Variants in GABBR2 observed in about 807,000 individuals in gnomAD.
The protein encoded by GABBR2 is gamma-aminobutyric acid type B receptor subunit 2, also known as G-protein coupled receptor 51.
Under a neutral mutation model 105.6 loss-of-function variants are expected in GABBR2, and 23 were observed. That is an observed-to-expected ratio of 0.22 (90% CI 0.16 to 0.31). The LOEUF (loss-of-function observed/expected upper bound fraction) is 0.31, where lower values mean the gene tolerates loss of function less well. Among genes scored for constraint, GABBR2 ranks in the 10% least tolerant of loss-of-function variants. The pLI is 1.00. For missense variants in GABBR2, 734 were observed against 1,245.5 expected, an observed-to-expected ratio of 0.59 and a Z score of 6.18; for synonymous variants, 478 against 499.7, an observed-to-expected ratio of 0.96 and a Z score of 0.58.
At chr9:98,586,284 C>CTTTTTTTTTTTTTTTT (rs569530376) in intron 1 of GABBR2, among the ~76,000 whole-genome samples, 7 of 131,092 alleles carry the variant, frequency 5.3e-5, no homozygotes, top group East Asian at 2.2e-4. Flanking sequence ...TCTTTTCTTT[C>CTTTTTTTTTTTTTTTT]TTTTTTTTTT....
chr9:98,578,081 C>T lies in GABBR2; in HGVS notation c.322-9G>A, dbSNP rs1341779522. 6.2e-7 allele frequency: 1 copy of T among 1,613,356 alleles called. No individual in the cohort carries two copies. Among genetic ancestry groups the T allele is most frequent in the Non-Finnish European group, 8.5e-7 (1 of 1,179,786 alleles). On this transcript the variant is annotated splice_polypyrimidine_tract_variant and intron_variant, in intron 1 of 18. Coordinates refer to ENST00000259455, the MANE Select transcript of GABBR2 (RefSeq NM_005458.8). Reference sequence around the variant, plus strand: ...CCTTTTGCGTTGTCGCACTGGGAAGCAACACATAGAAAGAAAGGTCCAAAT... The same window carrying T: ...CCTTTTGCGTTGTCGCACTGGGAAGTAACACATAGAAAGAAAGGTCCAAAT...
chr9:98,429,531 T>G (rs893241779), intron 7 of GABBR2, among the ~76,000 whole-genome samples: 1 of 152,184 alleles, frequency 6.6e-6, no homozygotes. Flanking sequence ...TGCCTTTTAT[T>G]GAGAACTGCT....
intron 1 of GABBR2, among the ~76,000 whole-genome samples, chr9:98,668,750 C>T (rs1371150957): frequency 6.6e-6 from 1 of 152,176 alleles, no homozygotes; most frequent in Non-Finnish European, 1.5e-5. Context: ...AGGAACTGCA[C>T]ATAATTGGAA....
At chr9:98,637,905 C>CT (rs1415076459) in intron 1 of GABBR2, among the ~76,000 whole-genome samples, 1 of 152,174 alleles carries the variant, frequency 6.6e-6, no homozygotes, top group Non-Finnish European at 1.5e-5. Flanking sequence ...AATGCACTTA[C>CT]TATAGGCCAG....
intron 7 of GABBR2, among the ~76,000 whole-genome samples, chr9:98,410,269 A>C (rs1832563096): frequency 6.6e-6 from 1 of 152,156 alleles, no homozygotes; most frequent in Admixed American, 6.5e-5. Flanking sequence ...TTTGAGACCA[A>C]TCCAGGTGAT....
intron 1 of GABBR2, among the ~76,000 whole-genome samples, chr9:98,687,203 G>A (rs1273990461): frequency 2.0e-5 from 3 of 151,552 alleles, no homozygotes; most frequent in Non-Finnish European, 4.4e-5. Flanking sequence ...GTTCCAAGCA[G>A]AATAAGGGCA....
At chr9:98,533,519 A>T (rs554703179) in intron 3 of GABBR2, among the ~76,000 whole-genome samples, 1 of 152,260 alleles carries the variant, frequency 6.6e-6, no homozygotes, top group African/African-American at 2.4e-5. Flanking sequence ...ATCTGGCCTA[A>T]TGGATCAAGA....
chr9:98,705,092 G>A lies in GABBR2; in HGVS notation c.321+3325C>T, dbSNP rs561611805. 2.6e-5 allele frequency among the ~76,000 whole-genome samples: 4 copies of A among 152,268 alleles called. No individual in the cohort carries two copies. In the South Asian group the frequency reaches 6.2e-4, roughly 24 times the overall value. On this transcript the variant is annotated intron_variant, in intron 1 of 18. Coordinates refer to ENST00000259455, the MANE Select transcript of GABBR2 (RefSeq NM_005458.8). Reference sequence around the variant, plus strand: ...CTCAATGCAATAAATTTTAGCCCAGGTTCTTGGTATAGTAACTTCTATGCT... The same window carrying A: ...CTCAATGCAATAAATTTTAGCCCAGATTCTTGGTATAGTAACTTCTATGCT...
intron 7 of GABBR2, among the ~76,000 whole-genome samples, chr9:98,433,342 T>C (rs867277643): frequency 6.6e-6 from 1 of 152,236 alleles, no homozygotes; most frequent in African/African-American, 2.4e-5. Flanking sequence ...AGTATATACA[T>C]GTATGTAAAG....
intron 1 of GABBR2, among the ~76,000 whole-genome samples, chr9:98,701,778 G>A (rs943535297): frequency 2.0e-5 from 3 of 152,142 alleles, no homozygotes; most frequent in Non-Finnish European, 2.9e-5. Context: ...CTGCCAGCAG[G>A]CCTTCTCTGC....
chr9:98,678,745 T>C (rs1830505648), intron 1 of GABBR2, among the ~76,000 whole-genome samples: 1 of 152,158 alleles, frequency 6.6e-6, no homozygotes, highest in Non-Finnish European at 1.5e-5. Flanking sequence ...TTCATGCCAG[T>C]GACTGAGCCT....
intron 1 of GABBR2, 144 bp downstream of exon 1, chr9:98,708,273 A>G (rs1356316663): frequency 2.6e-5 from 21 of 816,366 alleles, no homozygotes; most frequent in Middle Eastern, 4.0e-4. Flanking sequence ...GCGGGGGTGA[A>G]CACTGGGCAC....
intron 4 of GABBR2, among the ~76,000 whole-genome samples, chr9:98,493,498 T>G (rs1827218433): frequency 6.6e-6 from 1 of 152,194 alleles, no homozygotes; most frequent in East Asian, 1.9e-4. Flanking sequence ...ACTGGATTGA[T>G]CTATTTGGCG....
chr9:98,627,801 A>G (rs1829761354), intron 1 of GABBR2, among the ~76,000 whole-genome samples: 1 of 152,366 alleles, frequency 6.6e-6, no homozygotes, highest in African/African-American at 2.4e-5. Flanking sequence ...AAGGGGCCCC[A>G]GAGGCCATCT....
chr9:98,299,950 T>C (rs7849709), intron 16 of GABBR2, among the ~76,000 whole-genome samples: 12,477 of 151,830 alleles, frequency 0.082, 1,763 homozygotes, highest in African/African-American at 0.29. Flanking sequence ...GCAACCTTGA[T>C]CTCCTAGGCT....
intron 4 of GABBR2, among the ~76,000 whole-genome samples, chr9:98,487,432 A>G (rs548564619): frequency 6.6e-6 from 1 of 152,306 alleles, no homozygotes; most frequent in Admixed American, 6.5e-5. Context: ...AGGGAAGGGC[A>G]GTCCTCTCAA....
At chr9:98,569,619 A>G (rs1828798761) in intron 2 of GABBR2, among the ~76,000 whole-genome samples, 1 of 152,198 alleles carries the variant, frequency 6.6e-6, no homozygotes. Flanking sequence ...GGGAGAGAAA[A>G]TCAGACCATG....
At chr9:98,336,280 G>C (rs1361404026) in intron 13 of GABBR2, among the ~76,000 whole-genome samples, 1 of 152,248 alleles carries the variant, frequency 6.6e-6, no homozygotes, top group Admixed American at 6.5e-5. Context: ...TGAGCACAGG[G>C]AGAGGAACTA....
chr9:98,673,143 T>G (rs1413630099), intron 1 of GABBR2, among the ~76,000 whole-genome samples: 1 of 152,178 alleles, frequency 6.6e-6, no homozygotes, highest in Non-Finnish European at 1.5e-5. Context: ...TATTCCTTTG[T>G]CCTCTGGCAA....
Sources: allele counts gnomAD v4.1 joint callset (sites outside exome capture counted in the v4.1 genomes callset), GRCh38; gene constraint gnomAD v4.1.1; transcripts MANE v1.5; gene names NCBI Gene and HGNC (gene_info 2026-07-23, HGNC 2026-07-21).